Variants in FLYWCH2 observed in about 807,000 individuals in gnomAD.
FLYWCH2 encodes the protein FLYWCH family member 2.
Under a neutral mutation model 6.0 loss-of-function variants are expected in FLYWCH2, and 2 were observed. That is an observed-to-expected ratio of 0.33 (90% confidence interval 0.14 to 1.04). The LOEUF (loss-of-function observed/expected upper bound fraction) is 1.04. FLYWCH2 is among the 50% of genes least tolerant of loss of function. The pLI, the probability that FLYWCH2 is intolerant of heterozygous loss-of-function variation, is 0.45. For missense variants in FLYWCH2, 192 were observed against 183.4 expected, an observed-to-expected ratio of 1.05 and a Z score of -0.27; for synonymous variants, 87 against 79.3, an observed-to-expected ratio of 1.10 and a Z score of -0.52.
intron 3 of FLYWCH2, among the ~76,000 whole-genome samples, chr16:2,897,928 C>T (rs561785949): frequency 2.8e-5 from 4 of 143,976 alleles, no homozygotes; most frequent in African/African-American, 5.2e-5. Context: ...GAAGAAGAGG[C>T]GTAGCAGGTG....
At chr16:2,886,978 A>C (rs1321105447) in intron 1 of FLYWCH2, among the ~76,000 whole-genome samples, 10 of 152,098 alleles carry the variant, frequency 6.6e-5, no homozygotes, top group Admixed American at 1.3e-4. Flanking sequence ...TTTATGGCTA[A>C]AACACAAAAC....
chr16:2,896,621 A>G lies in FLYWCH2; in HGVS notation c.172A>G (p.Lys58Glu), dbSNP rs1567306458. The change falls in exon 3 of 4, where the codon AAG becomes GAG. Residue 58 changes from lysine (K) to glutamate (E), a missense_variant. Coordinates refer to ENST00000396958, the MANE Select transcript of FLYWCH2 (RefSeq NM_138439.3). ...SKDSTKVAGAKRKGVHCVMSL... is the reference protein window; with the variant it reads ...SKDSTKVAGAERKGVHCVMSL... Reference sequence around the variant, plus strand: ...AGACAGCACCAAGGTGGCGGGGGCCAAGCGCAAGGGTGTGCACTGTGTCAT... The same window carrying G: ...AGACAGCACCAAGGTGGCGGGGGCCGAGCGCAAGGGTGTGCACTGTGTCAT... 11 of 1,614,004 alleles carry G rather than the reference A, an allele frequency of 6.8e-6. No homozygotes were observed. Among genetic ancestry groups the G allele is most frequent in the Non-Finnish European group, 9.3e-6 (11 of 1,179,978 alleles).
At chr16:2,885,700 G>T (rs2069691076) in intron 1 of FLYWCH2, among the ~76,000 whole-genome samples, 1 of 152,088 alleles carries the variant, frequency 6.6e-6, no homozygotes, top group South Asian at 2.1e-4. Context: ...GCACCACATT[G>T]TACTTATTCA....
At chr16:2,884,855 C>G (rs1190570888) in intron 1 of FLYWCH2, among the ~76,000 whole-genome samples, 1 of 149,726 alleles carries the variant, frequency 6.7e-6, no homozygotes, top group African/African-American at 2.4e-5. Context: ...GCCTGGCCGA[C>G]AAGAGCGATA....
chr16:2,893,125 TC>T (rs1169604912), intron 1 of FLYWCH2, among the ~76,000 whole-genome samples: 4 of 151,972 alleles, frequency 2.6e-5, no homozygotes, highest in Non-Finnish European at 5.9e-5. Flanking sequence ...CTCCATGTGT[TC>T]CTGGAAGCTC....
chr16:2,888,219 A>C (rs2069720253), intron 1 of FLYWCH2, among the ~76,000 whole-genome samples: 1 of 151,978 alleles, frequency 6.6e-6, no homozygotes, highest in Non-Finnish European at 1.5e-5. Flanking sequence ...CATGTTGCTT[A>C]TGCTGGTCTC....
chr16:2,889,754 C>G (rs200254937), intron 1 of FLYWCH2, among the ~76,000 whole-genome samples: 2 of 152,058 alleles, frequency 1.3e-5, no homozygotes, highest in Non-Finnish European at 2.9e-5. Context: ...CCCAGCTTCC[C>G]CTCATGTTAA....
At chr16:2,889,706 C>T (rs1414095620) in intron 1 of FLYWCH2, among the ~76,000 whole-genome samples, 2 of 151,922 alleles carry the variant, frequency 1.3e-5, no homozygotes, top group African/African-American at 2.4e-5. Context: ...TAGAAAAGTC[C>T]GAGAGGCAGT....
chr16:2,884,575 A>AAAAAAAAAAAAAAC (rs1200672553), intron 1 of FLYWCH2, among the ~76,000 whole-genome samples: 1 of 143,790 alleles, frequency 7.0e-6, no homozygotes, highest in Non-Finnish European at 1.5e-5. Context: ...AAAAAAAAAA[A>AAAAAAAAAAAAAAC]AATACAAAAA....
intron 1 of FLYWCH2, among the ~76,000 whole-genome samples, chr16:2,893,489 TTGTTACAGC>T (rs1453304175): frequency 2.0e-5 from 3 of 152,216 alleles, no homozygotes; most frequent in Non-Finnish European, 4.4e-5. Flanking sequence ...GATTCCCTTC[TTGTTACAGC>T]TTAACGAGAT....
intron 1 of FLYWCH2, among the ~76,000 whole-genome samples, chr16:2,893,868 G>A (rs1007332571): frequency 6.6e-6 from 1 of 151,996 alleles, no homozygotes; most frequent in South Asian, 2.1e-4. Context: ...TCGATCTCCT[G>A]ACCTTGTGAT....
chr16:2,898,259 C>A (rs867102929), intron 3 of FLYWCH2, among the ~76,000 whole-genome samples: 9 of 152,272 alleles, frequency 5.9e-5, no homozygotes, highest in Middle Eastern at 3.4e-3. Context: ...GAGTCTCAGG[C>A]CTGGTGTGAG....
intron 1 of FLYWCH2, among the ~76,000 whole-genome samples, chr16:2,892,927 T>C (rs1183204301): frequency 1.4e-5 from 2 of 148,088 alleles, no homozygotes; most frequent in Non-Finnish European, 3.0e-5. Context: ...ATATATGTCA[T>C]ATATATACCA....
chr16:2,897,363 A>G (rs2069835331), intron 3 of FLYWCH2, among the ~76,000 whole-genome samples: 1 of 152,034 alleles, frequency 6.6e-6, no homozygotes, highest in South Asian at 2.1e-4. Flanking sequence ...CTCCGGGGAG[A>G]TACAGCTCAG....
At chr16:2,884,641 A>C (rs2069678339) in intron 1 of FLYWCH2, among the ~76,000 whole-genome samples, 1 of 150,386 alleles carries the variant, frequency 6.6e-6, no homozygotes, top group Non-Finnish European at 1.5e-5. Flanking sequence ...TTGGGAGGCC[A>C]AGGAGGGTGG....
intron 2 of FLYWCH2, 79 bp from the exon 3 acceptor site, chr16:2,896,273 G>T (rs929503205): frequency 7.8e-6 from 6 of 773,886 alleles, no homozygotes; most frequent in African/African-American, 1.8e-5. Context: ...AGCCCCATCT[G>T]CCCCACCTCC....
chr16:2,890,314 T>G (rs1206530992), intron 1 of FLYWCH2, among the ~76,000 whole-genome samples: 1 of 151,852 alleles, frequency 6.6e-6, no homozygotes, highest in African/African-American at 2.4e-5. Flanking sequence ...AGTGGTGAGA[T>G]CTTGGCTCAC....
chr16:2,884,540 G>C (rs368641841), intron 1 of FLYWCH2, among the ~76,000 whole-genome samples: 27 of 96,984 alleles, frequency 2.8e-4, no homozygotes, highest in African/African-American at 1.1e-3. Flanking sequence ...GACTAACATG[G>C]TGAAACCCCG....
At position 2,886,251 on chromosome 16, in the gene FLYWCH2, C is replaced by T. The variant is rs1209780675; in HGVS notation, c.-200+2885C>T. Among the ~76,000 whole-genome samples the T allele has an allele frequency of 3.3e-5, 5 of 151,806 alleles. No individual in the cohort carries two copies. The East Asian group carries it at 5.8e-4, about 18-fold the overall frequency. On this transcript the variant is annotated intron_variant, in intron 1 of 3. Transcript: ENST00000396958. ...GCTGCAGTGCAGTGTAGTGCAGTGGCGCCACCTCGGCTCACTGAAATCTCC... is the reference window on the plus strand; with the variant it reads ...GCTGCAGTGCAGTGTAGTGCAGTGGTGCCACCTCGGCTCACTGAAATCTCC...
Sources: allele counts gnomAD v4.1 joint callset (sites outside exome capture counted in the v4.1 genomes callset), GRCh38; gene constraint gnomAD v4.1.1; transcripts MANE v1.5; gene names NCBI Gene and HGNC (gene_info 2026-07-23, HGNC 2026-07-21).